CNTN4: variants seen among roughly 807,000 people sequenced by gnomAD.
CNTN4 encodes the protein contactin 4.
A neutral mutation model predicts 122.5 loss-of-function variants in CNTN4; 77 were observed. The ratio of observed to expected loss-of-function variants is 0.63; its 90% confidence interval spans 0.52 to 0.76. The LOEUF is 0.76. Among genes scored for constraint, CNTN4 ranks in the 30% least tolerant of loss-of-function variants. The probability of loss-of-function intolerance (pLI) is 0.00; values close to 1 mark genes in which losing one functional copy is unlikely to be tolerated. For missense variants in CNTN4, 1,256 were observed against 1,259.1 expected (o/e 1.00, Z 0.04); for synonymous variants, 512 against 447.0 (o/e 1.15, Z -1.83).
intron 4 of CNTN4, among the ~76,000 whole-genome samples, chr3:2,688,611 C>T (rs2085562029): frequency 6.6e-6 from 1 of 152,196 alleles, no homozygotes. Flanking sequence ...ATTAACACAG[C>T]ATATCAGTGC....
At chr3:2,919,098 C>T (rs2094400320) in intron 12 of CNTN4, among the ~76,000 whole-genome samples, 1 of 151,790 alleles carries the variant, frequency 6.6e-6, no homozygotes, top group Non-Finnish European at 1.5e-5. Context: ...AATCCCAGCA[C>T]TTTGGGAGGC....
intron 2 of CNTN4, among the ~76,000 whole-genome samples, chr3:2,325,343 T>A (rs144798917): frequency 6.3e-4 from 96 of 152,376 alleles, no homozygotes; most frequent in African/African-American, 2.1e-3. Context: ...TAATATGTAA[T>A]AGACTTACTG....
chr3:2,613,357 C>A (rs1354072618), intron 4 of CNTN4, among the ~76,000 whole-genome samples: 1 of 152,014 alleles, frequency 6.6e-6, no homozygotes, highest in Non-Finnish European at 1.5e-5. Flanking sequence ...TTACTTAGAT[C>A]AACCGTGATT....
intron 2 of CNTN4, among the ~76,000 whole-genome samples, chr3:2,105,691 T>A (rs930864833): frequency 3.9e-5 from 6 of 152,186 alleles, no homozygotes; most frequent in Non-Finnish European, 7.3e-5. Flanking sequence ...TGATGAGATT[T>A]GCGTGGAGAC....
intron 7 of CNTN4, among the ~76,000 whole-genome samples, chr3:2,828,587 G>C (rs1447111278): frequency 6.6e-6 from 1 of 152,120 alleles, no homozygotes; most frequent in Non-Finnish European, 1.5e-5. Context: ...CATGCATTCT[G>C]ATTTCCATTT....
chr3:2,747,957 C>G (rs2089886396), intron 6 of CNTN4, among the ~76,000 whole-genome samples: 1 of 152,314 alleles, frequency 6.6e-6, no homozygotes, highest in Non-Finnish European at 1.5e-5. Context: ...ATGCTGGTTA[C>G]TCTTCAAATA....
intron 2 of CNTN4, among the ~76,000 whole-genome samples, chr3:2,144,477 A>G (rs979168708): frequency 6.6e-6 from 1 of 152,210 alleles, no homozygotes; most frequent in Non-Finnish European, 1.5e-5. Flanking sequence ...AATTGTTCTT[A>G]TTGTGGAAGA....
At chr3:2,843,203 C>T (rs952712353) in intron 7 of CNTN4, among the ~76,000 whole-genome samples, 6 of 152,184 alleles carry the variant, frequency 3.9e-5, no homozygotes, top group Non-Finnish European at 5.9e-5. Context: ...AAGGGCACTT[C>T]CATTCATCCA....
intron 3 of CNTN4, among the ~76,000 whole-genome samples, chr3:2,366,237 C>T (rs573429907): frequency 6.6e-6 from 1 of 152,108 alleles, no homozygotes; most frequent in Admixed American, 6.5e-5. Flanking sequence ...GAAAAAAGTA[C>T]ATTTTCACGT....
intron 13 of CNTN4, among the ~76,000 whole-genome samples, chr3:2,979,003 C>T (rs1693695891): frequency 6.6e-6 from 1 of 152,186 alleles, no homozygotes; most frequent in South Asian, 2.1e-4. Context: ...AAGTATACCA[C>T]TTCACTTTTG....
chr3:2,952,087 T>TC (rs1205780283), intron 13 of CNTN4, among the ~76,000 whole-genome samples: 26 of 152,220 alleles, frequency 1.7e-4, no homozygotes, highest in Non-Finnish European at 3.4e-4. Flanking sequence ...GGTGAAAAGT[T>TC]CTGCTGCCCT....
chr3:2,547,922 A>G (rs761750937), intron 3 of CNTN4, among the ~76,000 whole-genome samples: 30 of 152,260 alleles, frequency 2.0e-4, no homozygotes, highest in Middle Eastern at 3.4e-3. Flanking sequence ...GAAGGCAAAA[A>G]GGAAAACAAA....
At chr3:2,681,872 T>C (rs2085184072) in intron 4 of CNTN4, among the ~76,000 whole-genome samples, 1 of 152,146 alleles carries the variant, frequency 6.6e-6, no homozygotes. Flanking sequence ...GTCAACAACA[T>C]GTATCTTGCT....
At chr3:2,287,330 A>C (rs911873214) in intron 2 of CNTN4, among the ~76,000 whole-genome samples, 9 of 152,044 alleles carry the variant, frequency 5.9e-5, no homozygotes, top group Non-Finnish European at 8.8e-5. Context: ...GGCTGGGCAC[A>C]GTGGTGCACG....
chr3:2,161,754 A>G (rs1213583559), intron 2 of CNTN4, among the ~76,000 whole-genome samples: 3 of 152,216 alleles, frequency 2.0e-5, no homozygotes, highest in Admixed American at 2.0e-4. Context: ...AGAACATCAA[A>G]TACTAGGAGC....
intron 14 of CNTN4, among the ~76,000 whole-genome samples, chr3:3,018,661 A>G (rs564976891): frequency 3.3e-5 from 5 of 152,300 alleles, no homozygotes; most frequent in African/African-American, 1.2e-4. Context: ...AGATACAGAA[A>G]TACTTATAGA....
chr3:2,383,294 CCT>C (rs1205225817), intron 3 of CNTN4, among the ~76,000 whole-genome samples: 3 of 152,096 alleles, frequency 2.0e-5, no homozygotes, highest in Non-Finnish European at 2.9e-5. Flanking sequence ...ATTTATCCAA[CCT>C]CTGTTTAAAT....
intron 3 of CNTN4, among the ~76,000 whole-genome samples, chr3:2,352,462 G>C (rs886346817): frequency 6.6e-6 from 1 of 152,214 alleles, no homozygotes; most frequent in Admixed American, 6.5e-5. Context: ...GGTAGGTGCA[G>C]GCTCCACGGG....
chr3:2,158,256 T>G (rs1174521981), intron 2 of CNTN4, among the ~76,000 whole-genome samples: 1 of 152,226 alleles, frequency 6.6e-6, no homozygotes, highest in Non-Finnish European at 1.5e-5. Context: ...AAAGTATTAA[T>G]GTAAGAAGTT....
Sources: gnomAD v4.1 joint callset for allele counts (sites outside exome capture counted in the v4.1 genomes callset) on GRCh38, gnomAD v4.1.1 for gene constraint, MANE v1.5 for transcripts, NCBI Gene and HGNC (gene_info 2026-07-23, HGNC 2026-07-21) for gene names.